The following AGAP1 variants were observed in gnomAD, a reference collection of about 807,000 sequenced individuals.
AGAP1 encodes the protein ArfGAP with GTPase domain, ankyrin repeat and PH domain 1.
AGAP1 carries 29 observed loss-of-function variants against 105.3 expected under a neutral mutation model. The observed-to-expected ratio is 0.28, with a 90% CI of 0.21 to 0.38. The LOEUF (loss-of-function observed/expected upper bound fraction) is 0.38. Ranked by LOEUF, AGAP1 falls within the 10% of genes least tolerant of loss-of-function variation. The pLI is 1.00. For missense variants in AGAP1, 998 were observed against 1,165.1 expected (o/e 0.86, Z 2.09); for synonymous variants, 509 against 485.9 (o/e 1.05, Z -0.63).
rs1945665770 is a variant in AGAP1 at position 235,599,729 on chromosome 2, G to A, written c.163+104880G>A. ...CCAGTGCCCTTTCTGGGTCCCACGT[G>A]ATTCTACCTGATCGCTGGCTCTCTA... On this transcript the variant is annotated intron_variant, in intron 1 of 17. Coordinates refer to ENST00000304032, the MANE Select transcript of AGAP1 (RefSeq NM_001037131.3). This position sits in a 1 kb window ranked among gnomAD's most constrained non-coding sequence, Gnocchi z 5.3. Among the ~76,000 whole-genome samples, 1 of 152,124 alleles carries A rather than the reference G, an allele frequency of 6.6e-6. No individual in the cohort carries two copies. Among genetic ancestry groups the A allele is most frequent in the Admixed American group, 6.5e-5 (1 of 15,274 alleles).
intron 1 of AGAP1, among the ~76,000 whole-genome samples, chr2:235,511,563 C>T (rs138466347): frequency 6.6e-6 from 1 of 152,310 alleles, no homozygotes; most frequent in East Asian, 1.9e-4. Context: ...GAGCTCAGGG[C>T]AGTTCCTAAC....
At chr2:236,049,468 C>G (rs1019817342) in intron 16 of AGAP1, 187 bp downstream of exon 16, 1 of 544,686 alleles carries the variant, frequency 1.8e-6, no homozygotes, top group Admixed American at 3.2e-5. Flanking sequence ...ATAATTCACA[C>G]TCCTTAATTT....
chr2:236,105,564 T>C lies in AGAP1; in HGVS notation c.2115-14628T>C, dbSNP rs2059463292. On this transcript the variant is annotated intron_variant, in intron 16 of 17. Coordinates refer to ENST00000304032, the MANE Select transcript of AGAP1 (RefSeq NM_001037131.3). This position sits in a 1 kb window ranked among gnomAD's most constrained non-coding sequence, Gnocchi z 4.2. ...ATCTCTCGTGTCTTTTTTTTTTTTT[T>C]TTTTTTTTTGAGACACAGTCTCGCT... Among the ~76,000 whole-genome samples, 1 of 146,696 alleles carries C rather than the reference T, an allele frequency of 6.8e-6. No homozygotes were observed. Among genetic ancestry groups the C allele is most frequent in the Non-Finnish European group, 1.5e-5 (1 of 66,674 alleles).
chr2:236,032,185 C>G (rs989361372), intron 13 of AGAP1, among the ~76,000 whole-genome samples: 13 of 152,172 alleles, frequency 8.5e-5, no homozygotes, highest in Admixed American at 6.5e-5. Flanking sequence ...ATTTGGTAAG[C>G]AGACTTTATA....
chr2:235,703,360 G>C (rs945035337), intron 1 of AGAP1, among the ~76,000 whole-genome samples: 1 of 152,126 alleles, frequency 6.6e-6, no homozygotes, highest in Non-Finnish European at 1.5e-5. Context: ...CTGAGCGGGA[G>C]CATCCTCCCC....
chr2:235,758,798 T>G (rs1575355663), intron 6 of AGAP1, among the ~76,000 whole-genome samples: 1 of 151,998 alleles, frequency 6.6e-6, no homozygotes. Context: ...AGGCGTGTTG[T>G]TTTTGTTTTG....
chr2:235,875,576 C>T lies in AGAP1; in HGVS notation c.1051-7769C>T, dbSNP rs185682451. Among the ~76,000 whole-genome samples the T allele has an allele frequency of 1.2e-4, 19 of 152,284 alleles. No homozygotes were observed. The highest frequency in any genetic ancestry group is 9.7e-4 in the East Asian group (5 of 5,170). Reference sequence around the variant, plus strand: ...GCGATTGGACACGTGATTCCCAGCACGTTTCCTGAGGTTCCGCCTGCAGCC... The same window carrying T: ...GCGATTGGACACGTGATTCCCAGCATGTTTCCTGAGGTTCCGCCTGCAGCC... On this transcript the variant is annotated intron_variant, in intron 9 of 17. Transcript: ENST00000304032. The surrounding 1 kb of genome is among the most constrained non-coding windows in gnomAD (Gnocchi z 4.0).
intron 16 of AGAP1, among the ~76,000 whole-genome samples, chr2:236,093,988 A>G (rs755910990): frequency 1.9e-4 from 29 of 152,294 alleles, no homozygotes; most frequent in South Asian, 8.3e-4. Context: ...TTGCAAGCAT[A>G]AACCCCAGGT....
At position 235,494,603 on chromosome 2, in the gene AGAP1, G is replaced by T. The variant is rs1437747293; in HGVS notation, c.-84G>T. 4.7e-6 allele frequency: 3 copies of T among 640,488 alleles called. No homozygotes were observed. The highest frequency in any genetic ancestry group is 5.7e-6 in the Non-Finnish European group (3 of 521,864). 39.7% of individuals were successfully genotyped at this position (640,488 alleles called of 1,614,324 possible). A position where few individuals can be genotyped will look rare whatever the true frequency, so the allele number is the denominator to read the frequency against. On this transcript the variant is annotated 5_prime_UTR_variant, in exon 1 of 18. Coordinates refer to ENST00000304032, the MANE Select transcript of AGAP1 (RefSeq NM_001037131.3). ...GGCCCGGCTCCCCGGGGGCTGCGGC[G>T]CCCCGGGCTCGGCGGCCCGCGGGCC...
chr2:235,708,234 A>G (rs1210197295), intron 1 of AGAP1, among the ~76,000 whole-genome samples: 2 of 152,230 alleles, frequency 1.3e-5, no homozygotes, highest in Non-Finnish European at 2.9e-5. Flanking sequence ...CCCATGTGGA[A>G]AGAGCTATTT....
At chr2:235,717,679 A>G in intron 3 of AGAP1, 35 bp downstream of exon 3, 1 of 1,562,926 alleles carries the variant, frequency 6.4e-7, no homozygotes, top group African/African-American at 1.4e-5. Flanking sequence ...AAACTTAAGA[A>G]TGTAGTTTTT....
intron 1 of AGAP1, among the ~76,000 whole-genome samples, chr2:235,537,485 G>T (rs2149087729): frequency 6.6e-6 from 1 of 152,308 alleles, no homozygotes; most frequent in African/African-American, 2.4e-5. Flanking sequence ...GGGGAGCTCT[G>T]GTTGCTCAGG....
rs1311604623 is a variant in AGAP1, at chr2:235,893,289, G to A, written c.1155+9840G>A. ...GAAGCGCCGTGTCTGTAGCGTGGGTGTAGCGTGTCTGTGGCGCAGGTGTGC... is the reference window on the plus strand; with the variant it reads ...GAAGCGCCGTGTCTGTAGCGTGGGTATAGCGTGTCTGTGGCGCAGGTGTGC... On this transcript the variant is annotated intron_variant, in intron 10 of 17. Transcript: ENST00000304032. The surrounding 1 kb of genome is among the most constrained non-coding windows in gnomAD (Gnocchi z 4.7). 4.6e-5 allele frequency among the ~76,000 whole-genome samples: 7 copies of A among 151,604 alleles called. No homozygotes were observed. Among genetic ancestry groups the A allele is most frequent in the Non-Finnish European group, 2.9e-5 (2 of 67,914 alleles).
intron 16 of AGAP1, among the ~76,000 whole-genome samples, chr2:236,097,380 CTTTTTTTTT>C (rs58882083): frequency 1.2e-4 from 6 of 48,670 alleles, no homozygotes; most frequent in East Asian, 7.5e-4. Context: ...TCATCCTAAT[CTTTTTTTTT>C]TTTTTTTTTT....
intron 13 of AGAP1, among the ~76,000 whole-genome samples, chr2:235,990,641 CTGTGACCTT>C (rs1002266464): frequency 3.9e-5 from 6 of 152,154 alleles, no homozygotes; most frequent in South Asian, 4.1e-4. Context: ...CTTGTTTCCT[CTGTGACCTT>C]GCCTCAGAGG....
At chr2:235,746,301 C>A (rs11677477) in intron 5 of AGAP1, among the ~76,000 whole-genome samples, 34,761 of 136,366 alleles carry the variant, frequency 0.25, 5,176 homozygotes, top group Non-Finnish European at 0.35. Context: ...AAAAAAAAAA[C>A]AAAACTATAA....
intron 13 of AGAP1, among the ~76,000 whole-genome samples, chr2:235,995,407 G>A (rs755937516): frequency 1.3e-5 from 2 of 152,018 alleles, no homozygotes; most frequent in African/African-American, 2.4e-5. Flanking sequence ...CTAGCTCCTC[G>A]GGAGGCTGAA....
rs181890206 is a variant in AGAP1, at chr2:235,736,972, G to C, written c.311-3991G>C. On this transcript the variant is annotated intron_variant, in intron 3 of 17. Coordinates refer to ENST00000304032, the MANE Select transcript of AGAP1 (RefSeq NM_001037131.3). This position sits in a 1 kb window ranked among gnomAD's most constrained non-coding sequence, Gnocchi z 5.5. ...TGCAGAGTACCAGCTTGTTGCCAAC[G>C]ATGCTGTCATCCTAAGGCTCTCCTT... Among the ~76,000 whole-genome samples the C allele has an allele frequency of 1.7e-3, 265 of 152,294 alleles. 2 individuals carry two copies. The East Asian group carries it at 0.02, about 11-fold the overall frequency.
chr2:235,499,617 T>G (rs944980708), intron 1 of AGAP1, among the ~76,000 whole-genome samples: 1 of 152,200 alleles, frequency 6.6e-6, no homozygotes, highest in African/African-American at 2.4e-5. Flanking sequence ...AGCTTACTCA[T>G]GCTTCTCAGT....
Sources: allele counts gnomAD v4.1 joint callset (sites outside exome capture counted in the v4.1 genomes callset), GRCh38; gene constraint gnomAD v4.1.1; non-coding constraint Gnocchi (gnomAD v3.1); transcripts MANE v1.5; gene names NCBI Gene and HGNC (gene_info 2026-07-23, HGNC 2026-07-21).